POLK: variants seen among roughly 807,000 people sequenced by gnomAD.
POLK encodes DNA polymerase kappa, also known as polymerase (DNA directed) kappa.
A neutral mutation model predicts 94.0 loss-of-function variants in POLK; 76 were observed. The observed-to-expected ratio is 0.81, with a 90% confidence interval of 0.67 to 0.98. The LOEUF (loss-of-function observed/expected upper bound fraction) is 0.98, where lower values mean the gene tolerates loss of function less well. Among genes scored for constraint, POLK ranks in the 50% least tolerant of loss-of-function variants. The pLI, the probability that POLK is intolerant of heterozygous loss-of-function variation, is 0.00. For missense variants in POLK, 954 were observed against 1,010.1 expected (o/e 0.94, Z 0.75); for synonymous variants, 349 against 325.4 (o/e 1.07, Z -0.78).
downstream of POLK, among the ~76,000 whole-genome samples, chr5:75,605,678 T>G (rs1581120523): frequency 2.6e-5 from 4 of 152,338 alleles, no homozygotes; most frequent in East Asian, 7.7e-4. Flanking sequence ...CAGAATAGAC[T>G]AATGTATTTC....
chr5:75,607,191 G>A, the POLK span, among the ~76,000 whole-genome samples: 10 of 152,172 alleles, frequency 6.6e-5, no homozygotes, highest in Middle Eastern at 3.2e-3. Context: ...TACTGGCCGG[G>A]TGCGGTGTCT....
chr5:75,577,328 A>T (rs1396095589), intron 6 of POLK, among the ~76,000 whole-genome samples: 1 of 152,132 alleles, frequency 6.6e-6, no homozygotes, highest in Non-Finnish European at 1.5e-5. Context: ...ACATTGGATG[A>T]TTCTATTTTT....
chr5:75,587,153 A>C, intron 10 of POLK, 95 bp downstream of exon 10: 1 of 752,434 alleles, frequency 1.3e-6, no homozygotes, highest in South Asian at 1.8e-5. Context: ...GAAATAAGAA[A>C]TCTATTTGCA....
In POLK at chr5:75,536,516, T is replaced by C. The variant is rs146269584; in HGVS notation, c.-13-10494T>C. 2.8e-3 allele frequency among the ~76,000 whole-genome samples: 425 copies of C among 152,216 alleles called. 9 individuals are homozygous for C. Among genetic ancestry groups the C allele is most frequent in the Admixed American group, 0.022 (332 of 15,290 alleles). On this transcript the variant is annotated intron_variant, in intron 1 of 14. Coordinates refer to ENST00000241436, the Ensembl canonical transcript of POLK. ...GGGTGTTTCCATGGCAACAGGAGGC[T>C]GTACCCCCGGCAAATTCAGGCAGAA...
At chr5:75,571,473 C>T (rs952732123) in intron 4 of POLK, among the ~76,000 whole-genome samples, 4 of 152,072 alleles carry the variant, frequency 2.6e-5, no homozygotes, top group Non-Finnish European at 4.4e-5. Flanking sequence ...GAGCAGAGTG[C>T]GATGGCGATG....
chr5:75,564,882 T>C (rs904960694), intron 3 of POLK, among the ~76,000 whole-genome samples: 1 of 152,018 alleles, frequency 6.6e-6, no homozygotes, highest in African/African-American at 2.4e-5. Context: ...TCTCGAGGAG[T>C]ATCTTGTGTT....
At chr5:75,511,836 G>A (rs1768029670) in exon 1 of POLK, 2 of 1,548,848 alleles carry the variant, frequency 1.3e-6, no homozygotes, top group Non-Finnish European at 8.7e-7. Context: ...GGATGCAGCT[G>A]TGCTGCATTC....
intron 3 of POLK, among the ~76,000 whole-genome samples, chr5:75,559,930 G>C (rs1770882452): frequency 6.6e-6 from 1 of 152,126 alleles, no homozygotes; most frequent in Non-Finnish European, 1.5e-5. Flanking sequence ...TTCTGAAATA[G>C]TCTCCTCAAT....
chr5:75,519,585 T>G (rs777689930), intron 1 of POLK, among the ~76,000 whole-genome samples: 8 of 152,222 alleles, frequency 5.3e-5, no homozygotes, highest in Non-Finnish European at 8.8e-5. Flanking sequence ...AGATATTAAT[T>G]GTTATATCCT....
exon 15 of POLK, chr5:75,598,031 T>C: frequency 1.0e-6 from 1 of 985,996 alleles, no homozygotes; most frequent in Non-Finnish European, 1.5e-6. Context: ...ATTGAACATT[T>C]TATCATTAAT....
At chr5:75,540,687 G>A (rs981401460) in intron 1 of POLK, among the ~76,000 whole-genome samples, 6 of 152,014 alleles carry the variant, frequency 3.9e-5, no homozygotes, top group African/African-American at 1.2e-4. Context: ...ATGTTTTCTC[G>A]TTTTCTAAGG....
intron 6 of POLK, among the ~76,000 whole-genome samples, chr5:75,578,789 G>T (rs1256322175): frequency 1.3e-5 from 2 of 152,098 alleles, no homozygotes; most frequent in Non-Finnish European, 2.9e-5. Flanking sequence ...GAAATATATT[G>T]CTAACTACCA....
chr5:75,511,652 C>T (rs965074871), upstream of POLK: 56 of 1,498,786 alleles, frequency 3.7e-5, no homozygotes, highest in Non-Finnish European at 4.3e-5. Context: ...CCTGTCCTTT[C>T]CCCTCCCCTT....
upstream of POLK, chr5:75,511,458 G>A (rs977873801): frequency 2.2e-5 from 33 of 1,529,482 alleles, no homozygotes; most frequent in Non-Finnish European, 2.5e-5. Flanking sequence ...CGCCGCCGTC[G>A]CCGTGACCCC....
intron 6 of POLK, among the ~76,000 whole-genome samples, chr5:75,579,549 G>A (rs1025200494): frequency 6.6e-6 from 1 of 151,154 alleles, no homozygotes; most frequent in African/African-American, 2.4e-5. Flanking sequence ...GTAGAGATGG[G>A]GTTTCACCAT....
At chr5:75,583,523 A>G (rs56348108) in intron 8 of POLK, 106 bp downstream of exon 8, 2 of 587,940 alleles carry the variant, frequency 3.4e-6, no homozygotes, top group Admixed American at 6.8e-5. Flanking sequence ...TTAAAATAAT[A>G]GATAAAAGCA....
At chr5:75,530,556 A>G (rs1383526738) in intron 1 of POLK, among the ~76,000 whole-genome samples, 1 of 151,352 alleles carries the variant, frequency 6.6e-6, no homozygotes, top group Admixed American at 6.6e-5. Flanking sequence ...TATCCAAGGT[A>G]CCTACTAAAT....
upstream of POLK, among the ~76,000 whole-genome samples, chr5:75,510,840 C>G (rs1767928767): frequency 6.6e-6 from 1 of 152,182 alleles, no homozygotes; most frequent in African/African-American, 2.4e-5. Flanking sequence ...AGCTGCCGCC[C>G]TAAGTCCCAA....
chr5:75,557,709 G>A (rs999746167), intron 3 of POLK, among the ~76,000 whole-genome samples: 3 of 152,140 alleles, frequency 2.0e-5, no homozygotes, highest in Admixed American at 6.6e-5. Flanking sequence ...TTTTCCTCAT[G>A]TTGATCTTGT....
Sources: gnomAD v4.1 joint callset for allele counts (sites outside exome capture counted in the v4.1 genomes callset) on GRCh38, gnomAD v4.1.1 for gene constraint, MANE v1.5 for transcripts, NCBI Gene and HGNC (gene_info 2026-07-23, HGNC 2026-07-21) for gene names.